SRPK2: variants seen among roughly 807,000 people sequenced by gnomAD.
The protein encoded by SRPK2 is SFRS protein kinase 2.
A neutral mutation model predicts 90.8 loss-of-function variants in SRPK2; 21 were observed. The observed-to-expected ratio is 0.23, with a 90% CI of 0.16 to 0.33. The LOEUF is 0.33. Among genes scored for constraint, SRPK2 ranks in the 10% least tolerant of loss-of-function variants. The pLI is 1.00. For missense variants in SRPK2, 620 were observed against 869.0 expected (o/e 0.71, Z 3.60); for synonymous variants, 288 against 311.1 (o/e 0.93, Z 0.78).
chr7:105,349,896 A>G (rs370327801), intron 2 of SRPK2, among the ~76,000 whole-genome samples: 4,671 of 148,738 alleles, frequency 0.031, 140 homozygotes, highest in Non-Finnish European at 0.05. Flanking sequence ...ATGCCACCAC[A>G]CCTGGCTAAT....
intron 2 of SRPK2, among the ~76,000 whole-genome samples, chr7:105,211,546 C>A (rs764519851): frequency 1.6e-4 from 25 of 151,974 alleles, no homozygotes; most frequent in Non-Finnish European, 3.4e-4. Context: ...AGTGTGGGAG[C>A]AGTAACAGGA....
At chr7:105,279,732 T>G (rs1183490318) in intron 2 of SRPK2, among the ~76,000 whole-genome samples, 1 of 152,236 alleles carries the variant, frequency 6.6e-6, no homozygotes, top group Non-Finnish European at 1.5e-5. Context: ...AACCAATCTC[T>G]GAAAACTATC....
chr7:105,280,284 G>A (rs1807090463), intron 2 of SRPK2, among the ~76,000 whole-genome samples: 1 of 151,950 alleles, frequency 6.6e-6, no homozygotes, highest in Non-Finnish European at 1.5e-5. Context: ...GTGTGGTGGT[G>A]CACACCTGTC....
intron 2 of SRPK2, among the ~76,000 whole-genome samples, chr7:105,263,791 C>G (rs539104869): frequency 6.6e-6 from 1 of 152,086 alleles, no homozygotes. Flanking sequence ...TTTCAATAAA[C>G]TGTATTTCAT....
In SRPK2 at chr7:105,192,956, T is replaced by C. The variant is rs926201079; in HGVS notation, c.229+10672A>G. 2.0e-5 allele frequency among the ~76,000 whole-genome samples: 3 copies of C among 152,198 alleles called. No individual in the cohort carries two copies. In the South Asian group the frequency reaches 6.2e-4, roughly 32 times the overall value. ...GGATATTAGTCCTTTGTCGGATGTA[T>C]AGATTGTGAAGATTTTCTCCTACGC... On this transcript the variant is annotated intron_variant, in intron 3 of 15. Coordinates refer to ENST00000393651, the MANE Select transcript of SRPK2 (RefSeq NM_182692.3).
At chr7:105,237,973 C>G (rs1800337996) in intron 2 of SRPK2, among the ~76,000 whole-genome samples, 1 of 152,172 alleles carries the variant, frequency 6.6e-6, no homozygotes, top group South Asian at 2.1e-4. Flanking sequence ...AAGTTTGACA[C>G]AACTCATGAG....
chr7:105,382,442 C>T (rs924256403), intron 2 of SRPK2, among the ~76,000 whole-genome samples: 3 of 149,870 alleles, frequency 2.0e-5, no homozygotes, highest in Non-Finnish European at 4.4e-5. Flanking sequence ...ATCCCAGCTA[C>T]TCAGGAGGCT....
intron 2 of SRPK2, among the ~76,000 whole-genome samples, chr7:105,288,037 C>A (rs1026970047): frequency 2.0e-5 from 3 of 152,066 alleles, no homozygotes; most frequent in Admixed American, 2.0e-4. Context: ...AAAATTCACA[C>A]TTTAATCAAG....
At position 105,359,198 on chromosome 7, in the gene SRPK2, A is replaced by G. The variant is rs139828203; in HGVS notation, c.71+29450T>C. 5.3e-3 allele frequency among the ~76,000 whole-genome samples: 650 copies of G among 123,158 alleles called. 10 individuals carry two copies. In the East Asian group the frequency reaches 0.061, roughly 12 times the overall value. The allele number at this position is 123,158 out of a possible 152,430, so 80.8% of individuals were successfully genotyped here. On this transcript the variant is annotated intron_variant, in intron 2 of 15. Transcript: ENST00000393651. ...TTTGGAGACAAAGGCTCGCTCTATCACCCAGGCTGGAGTGCAATGGCGCGA... is the reference window on the plus strand; with the variant it reads ...TTTGGAGACAAAGGCTCGCTCTATCGCCCAGGCTGGAGTGCAATGGCGCGA...
chr7:105,268,846 G>A (rs765561746), intron 2 of SRPK2: 1 of 1,593,304 alleles, frequency 6.3e-7, no homozygotes, highest in Non-Finnish European at 8.6e-7. Context: ...ACTGACATCA[G>A]CAGCTCAATC....
chr7:105,116,056 G>T (rs1048945879), downstream of SRPK2, among the ~76,000 whole-genome samples: 1 of 152,156 alleles, frequency 6.6e-6, no homozygotes, highest in Non-Finnish European at 1.5e-5. Context: ...AGAGGATTAT[G>T]TGTCTTGTTT....
chr7:105,259,023 G>C (rs1457800474), intron 2 of SRPK2, among the ~76,000 whole-genome samples: 1 of 152,196 alleles, frequency 6.6e-6, no homozygotes, highest in Non-Finnish European at 1.5e-5. Context: ...CATAGTGTTG[G>C]AAGTTCTGGC....
At chr7:105,205,097 C>T (rs1024397898) in intron 2 of SRPK2, among the ~76,000 whole-genome samples, 1 of 152,182 alleles carries the variant, frequency 6.6e-6, no homozygotes, top group African/African-American at 2.4e-5. Flanking sequence ...GCTGCCTCAA[C>T]CACTGCCTCT....
intron 2 of SRPK2, among the ~76,000 whole-genome samples, chr7:105,297,900 C>T (rs1810036968): frequency 1.3e-5 from 2 of 152,126 alleles, no homozygotes; most frequent in South Asian, 4.1e-4. Context: ...CGCCACTATG[C>T]CCAGCTAATT....
intron 2 of SRPK2, among the ~76,000 whole-genome samples, chr7:105,230,899 C>T (rs1799346495): frequency 6.6e-6 from 1 of 152,160 alleles, no homozygotes; most frequent in Admixed American, 6.5e-5. Context: ...ATTGTTAATA[C>T]TATAAATGCA....
At chr7:105,260,538 T>C (rs1243507522) in intron 2 of SRPK2, among the ~76,000 whole-genome samples, 1 of 152,214 alleles carries the variant, frequency 6.6e-6, no homozygotes, top group East Asian at 1.9e-4. Context: ...ACTGGGTACA[T>C]ACCCAAAGGA....
intron 11 of SRPK2, among the ~76,000 whole-genome samples, chr7:105,134,743 ACACAGCTCCCTAGGGG>A (rs969069951): frequency 6.6e-6 from 1 of 152,160 alleles, no homozygotes; most frequent in African/African-American, 2.4e-5. Context: ...TAGGGTGCCC[ACACAGCTCCCTAGGGG>A]GGCTCCAGAG....
At chr7:105,378,326 C>T (rs966098253) in intron 2 of SRPK2, among the ~76,000 whole-genome samples, 11 of 151,804 alleles carry the variant, frequency 7.2e-5, no homozygotes, top group African/African-American at 2.2e-4. Flanking sequence ...TACATACATC[C>T]GAAAAAGAAG....
At chr7:105,380,791 G>C (rs1264628700) in intron 2 of SRPK2, among the ~76,000 whole-genome samples, 1 of 150,752 alleles carries the variant, frequency 6.6e-6, no homozygotes, top group African/African-American at 2.4e-5. Flanking sequence ...CAAAGCGCTG[G>C]GATTACAGGC....
Sources: allele counts gnomAD v4.1 joint callset (sites outside exome capture counted in the v4.1 genomes callset), GRCh38; gene constraint gnomAD v4.1.1; transcripts MANE v1.5; gene names NCBI Gene and HGNC (gene_info 2026-07-23, HGNC 2026-07-21).